The following KCNT1 variants were observed in gnomAD, a reference collection of about 807,000 sequenced individuals.
KCNT1 encodes the protein potassium channel subfamily T member 1.
KCNT1 carries 78 observed loss-of-function variants against 147.8 expected under a neutral mutation model. That is an observed-to-expected ratio of 0.53 (90% CI 0.44 to 0.64). The LOEUF (loss-of-function observed/expected upper bound fraction) is 0.64, where lower values mean the gene tolerates loss of function less well. Among genes scored for constraint, KCNT1 ranks in the 30% least tolerant of loss-of-function variants. The pLI, the probability that KCNT1 is intolerant of heterozygous loss-of-function variation, is 0.00. For missense variants in KCNT1, 1,419 were observed against 1,750.3 expected, an observed-to-expected ratio of 0.81 and a Z score of 3.38; for synonymous variants, 867 against 748.8, an observed-to-expected ratio of 1.16 and a Z score of -2.58.
At chr9:135,728,446 C>T (rs1264320419) in intron 2 of KCNT1, among the ~76,000 whole-genome samples, 4 of 152,252 alleles carry the variant, frequency 2.6e-5, no homozygotes, top group Admixed American at 6.5e-5. Flanking sequence ...GTGAGACCCC[C>T]ACAGCCTCAC....
chr9:135,745,398 C>T (rs1048602669), intron 2 of KCNT1, among the ~76,000 whole-genome samples: 3 of 152,190 alleles, frequency 2.0e-5, no homozygotes, highest in Admixed American at 6.5e-5. Context: ...TGACAGGAAG[C>T]GGAGAGTGTG....
rs575162600 is a variant in KCNT1 at position 135,770,396 on chromosome 9, G to A, written c.1718G>A (p.Arg573His). ...CGCATGGGTGACAGCAAGTTCTTCC[G>A]CGAGTACGAGGGCAAGAGCTTCACC... The part of the protein sequence containing the change: ...HIRMGDSKFF[R>H]EYEGKSFTYA... Residue 573 changes from arginine to histidine, a missense_variant, in exon 17 of 31, where the codon CGC (arginine) becomes CAC (histidine). Transcript: ENST00000371757. The A allele has an allele frequency of 4.4e-5, 71 of 1,613,246 alleles. No individual in the cohort carries two copies. Among genetic ancestry groups the A allele is most frequent in the Admixed American group, 2.5e-4 (15 of 59,998 alleles).
chr9:135,758,743 A>C (rs946737765), intron 10 of KCNT1, among the ~76,000 whole-genome samples: 1 of 152,210 alleles, frequency 6.6e-6, no homozygotes, highest in Non-Finnish European at 1.5e-5. Context: ...AAGGACAGAG[A>C]TACCCAGATC....
chr9:135,703,770 AC>A (rs1324461988), intron 1 of KCNT1, among the ~76,000 whole-genome samples: 1 of 152,156 alleles, frequency 6.6e-6, no homozygotes, highest in Non-Finnish European at 1.5e-5. Context: ...CCTGCTCCAG[AC>A]GAGCCGGCAG....
intron 11 of KCNT1, 123 bp from the exon 12 acceptor site, chr9:135,764,908 A>AC (rs1285245611): frequency 1.8e-5 from 18 of 982,376 alleles, no homozygotes; most frequent in East Asian, 5.3e-5. Context: ...TGTAGGTGTC[A>AC]CCCCCCGGCC....
At chr9:135,707,035 G>C (rs754624191) in intron 1 of KCNT1, among the ~76,000 whole-genome samples, 4 of 151,846 alleles carry the variant, frequency 2.6e-5, no homozygotes, top group South Asian at 4.2e-4. Flanking sequence ...CTGTGATCTC[G>C]GTGCTTTTGG....
chr9:135,784,310 G>T (rs568156454), intron 25 of KCNT1, among the ~76,000 whole-genome samples, 185 bp downstream of exon 25: 1 of 152,286 alleles, frequency 6.6e-6, no homozygotes, highest in South Asian at 2.1e-4. Context: ...TGACCTATGG[G>T]TGCCTGGCAA....
At chr9:135,703,488 C>T (rs1835118447) in intron 1 of KCNT1, among the ~76,000 whole-genome samples, 1 of 152,184 alleles carries the variant, frequency 6.6e-6, no homozygotes, top group Admixed American at 6.5e-5. Flanking sequence ...ACCTGGCACC[C>T]GGGGGAGTCC....
At chr9:135,786,092 C>T in intron 28 of KCNT1, 105 bp from the exon 29 acceptor site, 2 of 1,032,038 alleles carry the variant, frequency 1.9e-6, no homozygotes, top group Non-Finnish European at 2.8e-6. Context: ...CCACGCAGGC[C>T]CCAAGCTGCA....
rs756359375 is a variant in KCNT1 at position 135,772,928 on chromosome 9, A to G, written c.2222A>G (p.Asp741Gly). The G allele has an allele frequency of 9.2e-6, 14 of 1,517,730 alleles. No homozygotes were observed. Among genetic ancestry groups the G allele is most frequent in the East Asian group, 2.5e-5 (1 of 40,770 alleles). 94.0% of individuals were successfully genotyped at this position (1,517,730 alleles called of 1,614,324 possible). A position where few individuals can be genotyped will look rare whatever the true frequency, so the allele number is the denominator to read the frequency against. The change falls in exon 19 of 31, where the codon GAC (aspartate) becomes GGC (glycine). Residue 741 changes from aspartate (D) to glycine (G), a missense_variant. Transcript: ENST00000371757. Reference sequence around the variant, plus strand: ...GAGGATGAGGTGACGCCGTCGGACGACGAGGGGCTCTCCGTGGTAGAGTGA... The same window carrying G: ...GAGGATGAGGTGACGCCGTCGGACGGCGAGGGGCTCTCCGTGGTAGAGTGA... ...QSEDEVTPSDDEGLSVVEYVK... is the reference protein window; with the variant it reads ...QSEDEVTPSDGEGLSVVEYVK...
intron 11 of KCNT1, among the ~76,000 whole-genome samples, chr9:135,762,219 G>A (rs1831963364): frequency 6.6e-6 from 1 of 152,230 alleles, no homozygotes; most frequent in Non-Finnish European, 1.5e-5. Context: ...CAAGGCGGGA[G>A]GATCGCTTGA....
intron 5 of KCNT1, among the ~76,000 whole-genome samples, chr9:135,754,462 G>A (rs1326336024): frequency 1.3e-5 from 2 of 152,302 alleles, no homozygotes; most frequent in Non-Finnish European, 2.9e-5. Flanking sequence ...GCAAAGGAAG[G>A]CACCTGCCCC....
At position 135,770,958 on chromosome 9, in the gene KCNT1, A is replaced by C. The variant is rs772600146; in HGVS notation, c.1871A>C (p.Tyr624Ser). The C allele has an allele frequency of 1.2e-6, 2 of 1,613,726 alleles. No individual in the cohort carries two copies. The highest frequency in any genetic ancestry group is 2.7e-5 in the African/African-American group (2 of 74,898). Residue 624 changes from tyrosine to serine, a missense_variant, in exon 18 of 31, where the codon TAC becomes TCC. Tyr to Ser is a moderately radical substitution (Grantham distance 144). Around this residue, in one of 5 missense-constraint regions of KCNT1, gnomAD observed 284 missense variants for 292.8 expected, o/e 0.97. Coordinates refer to ENST00000371757, the MANE Select transcript of KCNT1 (RefSeq NM_020822.3). ...HILAASDTCFYINITKEENSA... is the reference protein window; with the variant it reads ...HILAASDTCFSINITKEENSA... The stretch of plus-strand genomic sequence containing the variant: ...CTGGCCGCCTCTGACACCTGCTTCT[A>C]CATCAACATCACCAAGGAGGAGAAC...
chr9:135,762,642 C>G (rs2150758), intron 11 of KCNT1, among the ~76,000 whole-genome samples: 1 of 151,416 alleles, frequency 6.6e-6, no homozygotes, highest in African/African-American at 2.4e-5. Context: ...CCCAGCTCCT[C>G]GGGAGGCTGA....
rs1365478747 is a variant in KCNT1 at position 135,714,499 on chromosome 9, G to C, written c.111-78G>C. 1 of 926,120 alleles carries C rather than the reference G, an allele frequency of 1.1e-6. No homozygotes were observed. The highest frequency in any genetic ancestry group is 1.3e-6 in the Non-Finnish European group (1 of 778,520). 57.4% of individuals were successfully genotyped at this position (926,120 alleles called of 1,614,324 possible). On this transcript the variant is annotated intron_variant, in intron 1 of 30. Coordinates refer to ENST00000371757, the MANE Select transcript of KCNT1 (RefSeq NM_020822.3). The surrounding 1 kb of genome is among the most constrained non-coding windows in gnomAD (Gnocchi z 6.2). ...GGCCGCGGGCTGCGCTGCGCGGGCC[G>C]GGCCTGGCGGGCCGGGGGCTGCGCG...
At chr9:135,781,881 G>C (rs567469117) in intron 24 of KCNT1, among the ~76,000 whole-genome samples, 1 of 152,160 alleles carries the variant, frequency 6.6e-6, no homozygotes, top group Non-Finnish European at 1.5e-5. Flanking sequence ...CCAGAAGTTC[G>C]AGACCAGCCC....
intron 28 of KCNT1, 172 bp from the exon 29 acceptor site, chr9:135,786,025 A>G (rs948138377): frequency 8.2e-6 from 5 of 609,090 alleles, no homozygotes; most frequent in Non-Finnish European, 1.4e-5. Context: ...CAGAGGAGGA[A>G]GGCACATGCA....
chr9:135,734,340 G>A (rs897662297), intron 2 of KCNT1, among the ~76,000 whole-genome samples: 2 of 152,206 alleles, frequency 1.3e-5, no homozygotes, highest in African/African-American at 4.8e-5. Flanking sequence ...CACCCGTCCT[G>A]GTGCCCTGAG....
chr9:135,752,258 G>T lies in KCNT1; in HGVS notation c.434+1217G>T, dbSNP rs1831219156. ...GAGCCTGGCTTCTGGGGACCTAAAG[G>T]CGTCCATGTAAACTTTTGCTCAATC... On this transcript the variant is annotated intron_variant, in intron 4 of 30. Coordinates refer to ENST00000371757, the MANE Select transcript of KCNT1 (RefSeq NM_020822.3). This position sits in a 1 kb window ranked among gnomAD's most constrained non-coding sequence, Gnocchi z 5.1. 11 of 428,320 alleles carry T rather than the reference G, an allele frequency of 2.6e-5. No homozygotes were observed. Among genetic ancestry groups the T allele is most frequent in the South Asian group, 1.8e-4 (11 of 60,082 alleles). 26.5% of individuals were successfully genotyped at this position (428,320 alleles called of 1,614,324 possible). A position where few individuals can be genotyped will look rare whatever the true frequency, so the allele number is the denominator to read the frequency against.
Sources: allele counts gnomAD v4.1 joint callset (sites outside exome capture counted in the v4.1 genomes callset), GRCh38; gene constraint gnomAD v4.1.1; regional missense constraint gnomAD v4.1.1; non-coding constraint Gnocchi (gnomAD v3.1); transcripts MANE v1.5; gene names NCBI Gene and HGNC (gene_info 2026-07-23, HGNC 2026-07-21).